ADGRL2: variants seen among roughly 807,000 people sequenced by gnomAD.
ADGRL2 encodes the protein calcium-independent alpha-latrotoxin receptor 2.
A neutral mutation model predicts 157.4 loss-of-function variants in ADGRL2; 44 were observed. That is an observed-to-expected ratio of 0.28 (90% CI 0.22 to 0.36). The LOEUF (loss-of-function observed/expected upper bound fraction) is 0.36, where lower values mean the gene tolerates loss of function less well. ADGRL2 is among the 10% of genes least tolerant of loss of function. ADGRL2 has a pLI of 1.00. For missense variants in ADGRL2, 1,510 were observed against 1,768.9 expected, an observed-to-expected ratio of 0.85 and a Z score of 2.63; for synonymous variants, 585 against 624.7, an observed-to-expected ratio of 0.94 and a Z score of 0.95.
chr1:81,666,699 T>C (rs2082758300), intron 3 of ADGRL2, among the ~76,000 whole-genome samples: 1 of 152,154 alleles, frequency 6.6e-6, no homozygotes, highest in Non-Finnish European at 1.5e-5. Context: ...TCACTATTTG[T>C]TACCAGATAG....
chr1:81,485,610 C>G (rs2078483248), intron 2 of ADGRL2, among the ~76,000 whole-genome samples: 1 of 152,026 alleles, frequency 6.6e-6, no homozygotes. Flanking sequence ...AACAATGAAC[C>G]TAAGTCTCCG....
intron 1 of ADGRL2, among the ~76,000 whole-genome samples, chr1:81,374,706 A>G (rs888088298): frequency 1.3e-5 from 2 of 152,226 alleles, no homozygotes; most frequent in South Asian, 2.1e-4. Context: ...CTGTGGTAGC[A>G]CTTGTCTGCT....
At chr1:81,842,207 A>G (rs1463270367) in intron 2 of ADGRL2, among the ~76,000 whole-genome samples, 1 of 151,876 alleles carries the variant, frequency 6.6e-6, no homozygotes, top group Non-Finnish European at 1.5e-5. Flanking sequence ...AAATGATGAG[A>G]TGATTGATCA....
chr1:81,560,900 A>G (rs1270799065), intron 2 of ADGRL2, among the ~76,000 whole-genome samples: 1 of 152,090 alleles, frequency 6.6e-6, no homozygotes, highest in East Asian at 1.9e-4. Context: ...TGCTTCCTCC[A>G]TTCCAGTCAT....
At chr1:81,582,058 T>G (rs1166657912) in intron 3 of ADGRL2, among the ~76,000 whole-genome samples, 1 of 151,896 alleles carries the variant, frequency 6.6e-6, no homozygotes. Context: ...CTGTCTCTAC[T>G]AAAAATACAA....
At chr1:81,626,460 C>A (rs1398163176) in intron 3 of ADGRL2, among the ~76,000 whole-genome samples, 1 of 152,104 alleles carries the variant, frequency 6.6e-6, no homozygotes, top group African/African-American at 2.4e-5. Context: ...CGCAAGCCAC[C>A]ACACCCAGCT....
chr1:81,607,286 T>C (rs1232602133), intron 3 of ADGRL2, among the ~76,000 whole-genome samples: 1 of 152,204 alleles, frequency 6.6e-6, no homozygotes, highest in Non-Finnish European at 1.5e-5. Flanking sequence ...TAAGTACCTA[T>C]TTCCTGCCAG....
chr1:81,757,000 CT>C (rs1391865796), intron 1 of ADGRL2, among the ~76,000 whole-genome samples: 2 of 152,090 alleles, frequency 1.3e-5, no homozygotes, highest in Non-Finnish European at 2.9e-5. Context: ...CTAGGAGTGT[CT>C]TTTGGATCAA....
chr1:81,942,648 G>C (rs1384663053), intron 5 of ADGRL2, among the ~76,000 whole-genome samples: 1 of 151,812 alleles, frequency 6.6e-6, no homozygotes, highest in African/African-American at 2.4e-5. Flanking sequence ...TTGTGCAAAA[G>C]CTCAAACTTT....
intron 1 of ADGRL2, among the ~76,000 whole-genome samples, chr1:81,805,643 G>C (rs1456264620): frequency 7.1e-6 from 1 of 141,188 alleles, no homozygotes; most frequent in Non-Finnish European, 1.5e-5. Context: ...CATTGAGATT[G>C]TATATCATTA....
intron 1 of ADGRL2, among the ~76,000 whole-genome samples, chr1:81,345,339 T>C (rs1662403133): frequency 6.6e-6 from 1 of 152,204 alleles, no homozygotes; most frequent in Non-Finnish European, 1.5e-5. Context: ...TCCAAGGTGA[T>C]ACATTGCCAT....
At chr1:81,441,409 A>C (rs2077504849) in intron 1 of ADGRL2, among the ~76,000 whole-genome samples, 1 of 152,172 alleles carries the variant, frequency 6.6e-6, no homozygotes, top group African/African-American at 2.4e-5. Context: ...TCAATTACCT[A>C]ATGTCTAATA....
chr1:81,672,723 G>T (rs943577498), intron 3 of ADGRL2, among the ~76,000 whole-genome samples: 3 of 152,110 alleles, frequency 2.0e-5, no homozygotes, highest in African/African-American at 2.4e-5. Context: ...ATGGAAAATT[G>T]ACTAGTGTTT....
chr1:81,565,985 G>T (rs2080551534), intron 2 of ADGRL2, among the ~76,000 whole-genome samples: 1 of 152,184 alleles, frequency 6.6e-6, no homozygotes, highest in Non-Finnish European at 1.5e-5. Flanking sequence ...TTAAGATACT[G>T]CAGCTTTGCA....
Position 81,399,991 on chromosome 1 carries a change from A to G in ADGRL2, c.-301-45045A>G, listed in dbSNP as rs534828537. Among the ~76,000 whole-genome samples, 46 of 151,586 alleles carry G rather than the reference A, an allele frequency of 3.0e-4. 1 individual carries two copies. The South Asian group carries it at 9.3e-3, about 31-fold the overall frequency. On this transcript the variant is annotated intron_variant, in intron 1 of 24. Coordinates refer to the ADGRL2 transcript ENST00000370721. Reference sequence around the variant, plus strand: ...TAGGTTTTAGGTTGCTGGTTGGGAAAGGTGTAGTGACTGTTTTTCCAGGTA... The same window carrying G: ...TAGGTTTTAGGTTGCTGGTTGGGAAGGGTGTAGTGACTGTTTTTCCAGGTA...
chr1:81,783,006 C>T (rs187144179), intron 2 of ADGRL2, among the ~76,000 whole-genome samples: 1 of 152,154 alleles, frequency 6.6e-6, no homozygotes. Flanking sequence ...TTTTGCCATG[C>T]GTTGGAAATC....
chr1:81,710,271 A>G (rs2083880312), intron 1 of ADGRL2, among the ~76,000 whole-genome samples: 1 of 152,050 alleles, frequency 6.6e-6, no homozygotes, highest in Non-Finnish European at 1.5e-5. Context: ...TTTCTATAGC[A>G]GTGTTTCTCA....
At chr1:81,409,507 G>T (rs1056533370) in intron 1 of ADGRL2, among the ~76,000 whole-genome samples, 11 of 152,178 alleles carry the variant, frequency 7.2e-5, no homozygotes, top group Non-Finnish European at 1.5e-4. Flanking sequence ...GAATTTGGAT[G>T]CCAAATGAAT....
At chr1:81,639,942 G>C (rs1399275654) in intron 3 of ADGRL2, among the ~76,000 whole-genome samples, 1 of 152,152 alleles carries the variant, frequency 6.6e-6, no homozygotes, top group Non-Finnish European at 1.5e-5. Flanking sequence ...AAAATACATT[G>C]AGTATTATAG....
Sources: allele counts gnomAD v4.1 joint callset (sites outside exome capture counted in the v4.1 genomes callset), GRCh38; gene constraint gnomAD v4.1.1; transcripts MANE v1.5; gene names NCBI Gene and HGNC (gene_info 2026-07-23, HGNC 2026-07-21).